The following ANKRD30B variants were observed in gnomAD, a reference collection of about 807,000 sequenced individuals.
The protein encoded by ANKRD30B is ankyrin repeat domain 30B.
ANKRD30B carries 144 observed loss-of-function variants against 202.2 expected under a neutral mutation model. The observed-to-expected ratio is 0.71, with a 90% CI of 0.62 to 0.82. ANKRD30B has a LOEUF of 0.82. Among genes scored for constraint, ANKRD30B ranks in the 40% least tolerant of loss-of-function variants. The pLI is 0.00. For missense variants in ANKRD30B, 1,487 were observed against 1,669.1 expected (o/e 0.89, Z 1.90); for synonymous variants, 508 against 561.3 (o/e 0.91, Z 1.34).
At chr18:14,780,163 G>A in intron 11 of ANKRD30B, 142 bp downstream of exon 11, 1 of 691,262 alleles carries the variant, frequency 1.4e-6, no homozygotes, top group South Asian at 1.9e-5. Flanking sequence ...AAACATACTT[G>A]GCTGGGTACT....
At chr18:14,795,511 G>T (rs1240875676) in intron 16 of ANKRD30B, among the ~76,000 whole-genome samples, 1 of 152,150 alleles carries the variant, frequency 6.6e-6, no homozygotes, top group African/African-American at 2.4e-5. Context: ...TTAGTTTGTG[G>T]ATGGGTGTGC....
At chr18:14,796,814 G>T (rs1166142344) in intron 18 of ANKRD30B, among the ~76,000 whole-genome samples, 2 of 151,320 alleles carry the variant, frequency 1.3e-5, no homozygotes, top group Non-Finnish European at 2.9e-5. Flanking sequence ...GTTTAGTGAG[G>T]GTGGGGGTGG....
the ANKRD30B span, among the ~76,000 whole-genome samples, chr18:14,867,337 G>T: frequency 1.4e-5 from 2 of 147,920 alleles, no homozygotes; most frequent in Non-Finnish European, 3.0e-5. Flanking sequence ...GGGGTGGTAT[G>T]GGGGGAGGCT....
chr18:14,831,468 CTT>C lies in ANKRD30B; in HGVS notation c.2847+14_2847+15del, dbSNP rs1970936311. On this transcript the variant is annotated intron_variant, in intron 34 of 43. Coordinates refer to ENST00000690538, the MANE Select transcript of ANKRD30B (RefSeq NM_001367607.2). ...TCTTACTACCAAGGTAAAATAGTCTCTTGTTAAATTGATTTTCTCAGTTGGAA... is the reference window on the plus strand; with the variant it reads ...TCTTACTACCAAGGTAAAATAGTCTCGTTAAATTGATTTTCTCAGTTGGAA... 7.0e-7 allele frequency: 1 copy of C among 1,437,556 alleles called. No homozygotes were observed. The highest frequency in any genetic ancestry group is 1.3e-5 in the South Asian group (1 of 76,128). The allele number at this position is 1,437,556 out of a possible 1,614,324, so 89.1% of individuals were successfully genotyped here. A position where few individuals can be genotyped will look rare whatever the true frequency, so the allele number is the denominator to read the frequency against.
intron 15 of ANKRD30B, among the ~76,000 whole-genome samples, chr18:14,791,159 A>T (rs1437176630): frequency 6.6e-6 from 1 of 151,900 alleles, no homozygotes; most frequent in Non-Finnish European, 1.5e-5. Context: ...TTTCTTCTAG[A>T]TTTTCTAGTT....
the ANKRD30B span, among the ~76,000 whole-genome samples, chr18:14,927,524 AG>A: frequency 6.6e-6 from 1 of 152,358 alleles, no homozygotes; most frequent in South Asian, 2.1e-4. Flanking sequence ...TGGACAGCAC[AG>A]GAGGCCAGGA....
chr18:14,791,370 TG>T, intron 15 of ANKRD30B, 30 bp from the exon 16 acceptor site: 1 of 1,543,008 alleles, frequency 6.5e-7, no homozygotes, highest in Non-Finnish European at 8.8e-7. Flanking sequence ...ATTTTTTCAT[TG>T]AAATTATTTA....
chr18:14,791,021 T>G (rs1177364106), intron 15 of ANKRD30B, among the ~76,000 whole-genome samples: 3 of 152,200 alleles, frequency 2.0e-5, no homozygotes, highest in African/African-American at 7.2e-5. Flanking sequence ...CATCTGGTCC[T>G]GGACTCTTTT....
intron 32 of ANKRD30B, among the ~76,000 whole-genome samples, chr18:14,826,360 A>G (rs1970657100): frequency 1.3e-5 from 2 of 152,208 alleles, no homozygotes; most frequent in East Asian, 1.9e-4. Context: ...TGAAAAGTCA[A>G]TTGGATTTAA....
rs747424107 is a variant in ANKRD30B, at chr18:14,757,881, T to C, written c.684T>C (p.Asn228=). The stretch of plus-strand genomic sequence containing the variant: ...TAGTCGGCATGCTTCTTCAGCAAAA[T>C]GTTGACGTCTTTGCTGAAGACATAC... ...SEIVGMLLQQ[N]VDVFAEDIHG... Residue 228 remains asparagine, a synonymous_variant, in exon 5 of 44, where the codon AAT becomes AAC. Transcript: ENST00000690538. 19 of 1,613,392 alleles carry C rather than the reference T, an allele frequency of 1.2e-5. No individual in the cohort carries two copies. The East Asian group carries it at 1.6e-4, about 13-fold the overall frequency.
intron 9 of ANKRD30B, among the ~76,000 whole-genome samples, chr18:14,772,707 G>A (rs1373409812): frequency 1.1e-5 from 1 of 92,284 alleles, no homozygotes; most frequent in African/African-American, 4.0e-5. Context: ...ATAGCATATA[G>A]GGTTTTTTTT....
intron 36 of ANKRD30B, among the ~76,000 whole-genome samples, chr18:14,839,978 T>G (rs2143169355): frequency 6.6e-6 from 1 of 152,342 alleles, no homozygotes; most frequent in African/African-American, 2.4e-5. Context: ...GCAGATACTT[T>G]GAAGTAAATT....
chr18:14,939,855 G>A, the ANKRD30B span, among the ~76,000 whole-genome samples: 8 of 152,210 alleles, frequency 5.3e-5, no homozygotes, highest in Admixed American at 2.0e-4. Context: ...CTGCATACCC[G>A]CGTCCAGCGT....
chr18:14,871,806 G>C, the ANKRD30B span, among the ~76,000 whole-genome samples: 2 of 152,030 alleles, frequency 1.3e-5, no homozygotes, highest in African/African-American at 2.4e-5. Flanking sequence ...GGGAGGAACA[G>C]TGGAGCCTAG....
At chr18:14,818,814 A>G (rs1288216624) in intron 30 of ANKRD30B, among the ~76,000 whole-genome samples, 1 of 152,070 alleles carries the variant, frequency 6.6e-6, no homozygotes, top group Non-Finnish European at 1.5e-5. Flanking sequence ...TAATGCTGCA[A>G]TAAACATACG....
At chr18:14,922,819 G>A in the ANKRD30B span, among the ~76,000 whole-genome samples, 13 of 152,216 alleles carry the variant, frequency 8.5e-5, no homozygotes, top group South Asian at 2.5e-3. Context: ...ACCACTCCTT[G>A]TAAAAGCCGA....
chr18:14,933,761 G>A, the ANKRD30B span, among the ~76,000 whole-genome samples: 2 of 152,028 alleles, frequency 1.3e-5, no homozygotes, highest in South Asian at 2.1e-4. Context: ...CAGAGGAGGT[G>A]AACTCGGAGG....
chr18:14,919,276 T>C, the ANKRD30B span, among the ~76,000 whole-genome samples: 3 of 152,248 alleles, frequency 2.0e-5, no homozygotes, highest in Non-Finnish European at 4.4e-5. Context: ...ATGCTGGCTC[T>C]ATTTCCTTCA....
the ANKRD30B span, among the ~76,000 whole-genome samples, chr18:14,876,415 G>A: frequency 6.6e-6 from 1 of 152,322 alleles, no homozygotes; most frequent in Admixed American, 6.5e-5. Flanking sequence ...GTCAGTTGGA[G>A]TGCCTGGGAG....
Sources: gnomAD v4.1 joint callset for allele counts (sites outside exome capture counted in the v4.1 genomes callset) on GRCh38, gnomAD v4.1.1 for gene constraint, MANE v1.5 for transcripts, NCBI Gene and HGNC (gene_info 2026-07-23, HGNC 2026-07-21) for gene names.